Variants in IGFL4 observed in about 807,000 individuals in gnomAD.
The protein encoded by IGFL4 is insulin growth factor-like family member 4.
Under a neutral mutation model 15.4 loss-of-function variants are expected in IGFL4, and 12 were observed. The observed-to-expected ratio is 0.78, with a 90% confidence interval of 0.50 to 1.26. The LOEUF is 1.26. Ranked by LOEUF, IGFL4 falls within the 50% of genes most tolerant of loss-of-function variation. The pLI is 0.00. For synonymous variants in IGFL4, 54 were observed against 55.9 expected (o/e 0.97, Z 0.16); for missense variants, 126 against 147.8 (o/e 0.85, Z 0.76).
chr19:46,073,664 T>C (rs1969567629), intron 1 of IGFL4, among the ~76,000 whole-genome samples: 1 of 152,190 alleles, frequency 6.6e-6, no homozygotes, highest in South Asian at 2.1e-4. Context: ...ACCCAGTCCA[T>C]GCTGCCTGGA....
intron 1 of IGFL4, among the ~76,000 whole-genome samples, chr19:46,063,335 GCACACA>G (rs5828265): frequency 0.21 from 30,809 of 147,076 alleles, 3,365 homozygotes; most frequent in African/African-American, 0.26. Flanking sequence ...ACACACGCAT[GCACACA>G]CACACACACA....
chr19:46,065,638 C>T (rs1447763829), intron 1 of IGFL4, among the ~76,000 whole-genome samples: 5 of 152,176 alleles, frequency 3.3e-5, no homozygotes, highest in African/African-American at 9.7e-5. Context: ...GCTACAGATC[C>T]CTCTGCAGAT....
intron 2 of IGFL4, among the ~76,000 whole-genome samples, chr19:46,055,928 C>G (rs1395709563): frequency 1.3e-5 from 2 of 152,120 alleles, no homozygotes; most frequent in African/African-American, 4.8e-5. Flanking sequence ...AGGTGCCCAC[C>G]ACCGTGCCCA....
At position 46,039,902 on chromosome 19, in the gene IGFL4, T is replaced by C. The variant is rs764705543; in HGVS notation, c.365A>G (p.Asp122Gly). 1.3e-5 allele frequency: 21 copies of C among 1,612,388 alleles called. No homozygotes were observed. The highest frequency in any genetic ancestry group is 1.7e-5 in the Non-Finnish European group (20 of 1,178,656). The change falls in exon 4 of 4, where the codon GAC becomes GGC. Residue 122 changes from aspartate to glycine, a missense_variant. Physicochemically the swap from Asp to Gly is moderately conservative, Grantham distance 94. Coordinates refer to ENST00000377697, the MANE Select transcript of IGFL4 (RefSeq NM_001002923.3). ...CTACCCCAGAACAGTCTAGATGAGGTCAGATCTTGACACAGGGCTTTTTGG... is the reference window on the plus strand; with the variant it reads ...CTACCCCAGAACAGTCTAGATGAGGCCAGATCTTGACACAGGGCTTTTTGG... ...YHPKSPVSRS[D>G]LI
At chr19:46,043,861 TAG>T (rs1461612171), upstream of IGFL4, among the ~76,000 whole-genome samples, 8 of 151,996 alleles carry the variant, frequency 5.3e-5, no homozygotes, top group African/African-American at 1.9e-4. Flanking sequence ...CCTTATGACT[TAG>T]GGAAAAGATA....
Position 46,040,314 on chromosome 19 carries a change from T to TA in IGFL4, c.172_173insT (p.Gln58LeufsTer65), listed in dbSNP as rs2146507554. On this transcript the variant is annotated frameshift_variant, in exon 3 of 4. Transcript: ENST00000377697. LOFTEE classifies it high-confidence loss of function. This position sits in a 1 kb window ranked among gnomAD's most constrained non-coding sequence, Gnocchi z 4.1. ...GCAGCTGGAGCCGCAGAGCCGGGTC[T>TA]GGTTCAAGTCTAGGATGACACCGTC... 6.2e-7 allele frequency: 1 copy of TA among 1,614,178 alleles called. No individual in the cohort carries two copies. Among genetic ancestry groups the TA allele is most frequent in the African/African-American group, 1.3e-5 (1 of 75,054 alleles).
intron 1 of IGFL4, among the ~76,000 whole-genome samples, chr19:46,075,275 T>A (rs530446630): frequency 1.3e-5 from 2 of 152,238 alleles, no homozygotes; most frequent in Non-Finnish European, 2.9e-5. Flanking sequence ...TTTCTTCATT[T>A]TCACCAGATG....
upstream of IGFL4, among the ~76,000 whole-genome samples, chr19:46,041,456 A>G (rs1335156386): frequency 5.9e-5 from 9 of 152,208 alleles, no homozygotes; most frequent in African/African-American, 2.2e-4. Flanking sequence ...AGAGTCACGT[A>G]GGAGAATTTG....
intron 2 of IGFL4, among the ~76,000 whole-genome samples, chr19:46,055,513 A>G (rs1242309432): frequency 6.6e-6 from 1 of 152,156 alleles, no homozygotes; most frequent in Non-Finnish European, 1.5e-5. Context: ...TCCATTCAAC[A>G]TTGTGGCCAC....
chr19:46,040,473 C>T lies in IGFL4; in HGVS notation c.70+45G>A. The T allele has an allele frequency of 6.2e-7, 1 of 1,613,832 alleles. No individual in the cohort carries two copies. The highest frequency in any genetic ancestry group is 8.5e-7 in the Non-Finnish European group (1 of 1,179,740). On this transcript the variant is annotated intron_variant, in intron 2 of 3. Transcript: ENST00000377697. The surrounding 1 kb of genome is among the most constrained non-coding windows in gnomAD (Gnocchi z 4.1). ...GACCAGCCTAGGACCACCTCCCCACCAACCTTAATGCTGTTCTCTCCTCCC... is the reference window on the plus strand; with the variant it reads ...GACCAGCCTAGGACCACCTCCCCACTAACCTTAATGCTGTTCTCTCCTCCC...
At chr19:46,052,335 A>G (rs1262664658) in intron 2 of IGFL4, among the ~76,000 whole-genome samples, 1 of 152,230 alleles carries the variant, frequency 6.6e-6, no homozygotes, top group African/African-American at 2.4e-5. Flanking sequence ...ATCAACTCCA[A>G]AAGGAACCTT....
chr19:46,054,229 G>A (rs944841274), intron 2 of IGFL4, among the ~76,000 whole-genome samples: 1 of 151,944 alleles, frequency 6.6e-6, no homozygotes, highest in African/African-American at 2.4e-5. Context: ...TATAAGTTTT[G>A]TAGTTTCAGG....
At chr19:46,074,298 TAC>T (rs923606213) in intron 1 of IGFL4, among the ~76,000 whole-genome samples, 4 of 151,510 alleles carry the variant, frequency 2.6e-5, no homozygotes, top group African/African-American at 9.7e-5. Context: ...TATATATATA[TAC>T]ACACACACAT....
intron 1 of IGFL4, among the ~76,000 whole-genome samples, chr19:46,070,048 G>A (rs1969530887): frequency 6.6e-6 from 1 of 152,098 alleles, no homozygotes; most frequent in African/African-American, 2.4e-5. Context: ...ACTAAGCTGG[G>A]TGGACTCATG....
upstream of IGFL4, among the ~76,000 whole-genome samples, chr19:46,043,009 G>C (rs752285509): frequency 9.2e-5 from 14 of 151,754 alleles, no homozygotes; most frequent in Non-Finnish European, 1.8e-4. Context: ...ACGTGGAGAT[G>C]TTTGAGGTCG....
At chr19:46,054,247 T>G (rs1969373344) in intron 2 of IGFL4, among the ~76,000 whole-genome samples, 1 of 152,226 alleles carries the variant, frequency 6.6e-6, no homozygotes, top group African/African-American at 2.4e-5. Flanking sequence ...AGGTTTTACA[T>G]GTAAATCTTT....
At chr19:46,047,632 T>C (rs1191466347) in intron 2 of IGFL4, among the ~76,000 whole-genome samples, 1 of 152,146 alleles carries the variant, frequency 6.6e-6, no homozygotes, top group African/African-American at 2.4e-5. Context: ...CATCACAGAA[T>C]ACTATAAACA....
chr19:46,043,550 C>A (rs1969268267), upstream of IGFL4, among the ~76,000 whole-genome samples: 2 of 152,154 alleles, frequency 1.3e-5, no homozygotes, highest in African/African-American at 4.8e-5. Context: ...ACAATTACTC[C>A]AGCTACACTA....
Position 46,040,873 on chromosome 19 carries a change from T to C in IGFL4, c.19+71A>G. ...TAAATAGGGAAGAGAGAATTAACTT[T>C]GAAGTTCAGAAATAATTAGGGATGT... is the stretch of plus-strand genomic sequence containing the variant. On this transcript the variant is annotated intron_variant, in intron 1 of 3. Transcript: ENST00000377697. This position sits in a 1 kb window ranked among gnomAD's most constrained non-coding sequence, Gnocchi z 4.1. The C allele has an allele frequency of 1.4e-6, 2 of 1,390,788 alleles. No homozygotes were observed. The highest frequency in any genetic ancestry group is 2.0e-5 in the Admixed American group (1 of 50,544). The allele number at this position is 1,390,788 out of a possible 1,614,324, so 86.2% of individuals were successfully genotyped here. A position where few individuals can be genotyped will look rare whatever the true frequency, so the allele number is the denominator to read the frequency against.
Sources: gnomAD v4.1 joint callset for allele counts (sites outside exome capture counted in the v4.1 genomes callset) on GRCh38, gnomAD v4.1.1 for gene constraint, Gnocchi (gnomAD v3.1) non-coding constraint, MANE v1.5 for transcripts, NCBI Gene and HGNC (gene_info 2026-07-23, HGNC 2026-07-21) for gene names.